Variants in WWOX observed in about 807,000 individuals in gnomAD.
The protein encoded by WWOX is WW domain-containing oxidoreductase.
A neutral mutation model predicts 46.2 loss-of-function variants in WWOX; 69 were observed. The ratio of observed to expected loss-of-function variants is 1.49; its 90% CI spans 1.23 to 1.82. The LOEUF (loss-of-function observed/expected upper bound fraction) is 1.82, where lower values mean the gene tolerates loss of function less well. Ranked by LOEUF, WWOX falls within the 40% of genes most tolerant of loss-of-function variation. The pLI is 0.00. For synonymous variants in WWOX, 359 were observed against 202.6 expected, an observed-to-expected ratio of 1.77 and a Z score of -6.56; for missense variants, 919 against 542.6, an observed-to-expected ratio of 1.69 and a Z score of -6.89.
intron 5 of WWOX, among the ~76,000 whole-genome samples, chr16:78,371,873 G>A (rs1241524112): frequency 1.3e-5 from 2 of 152,192 alleles, no homozygotes; most frequent in South Asian, 4.2e-4. Context: ...AAGGATAGCT[G>A]CTAGGACAAA....
intron 6 of WWOX, among the ~76,000 whole-genome samples, chr16:78,406,661 C>G (rs151252458): frequency 1.5e-3 from 205 of 137,530 alleles, no homozygotes; most frequent in African/African-American, 5.2e-3. Flanking sequence ...GAGTGTCACT[C>G]TGTTGCCGAG....
intron 8 of WWOX, among the ~76,000 whole-genome samples, chr16:79,211,163 T>C (rs558426652): frequency 7.2e-5 from 11 of 152,214 alleles, no homozygotes; most frequent in Admixed American, 2.0e-4. Context: ...TTCTACCTGA[T>C]GGACCACAAT....
At chr16:78,529,875 A>T (rs931930796) in intron 8 of WWOX, among the ~76,000 whole-genome samples, 2 of 152,222 alleles carry the variant, frequency 1.3e-5, no homozygotes, top group Non-Finnish European at 2.9e-5. Flanking sequence ...CTGAAGCAAA[A>T]ATAACAGGTA....
intron 8 of WWOX, among the ~76,000 whole-genome samples, chr16:78,497,198 G>C (rs1264740858): frequency 6.6e-6 from 1 of 151,358 alleles, no homozygotes; most frequent in Non-Finnish European, 1.5e-5. Context: ...ATGCACATGA[G>C]GAAGTTGACC....
chr16:79,101,278 C>T (rs984594802), intron 8 of WWOX: 2 of 152,170 alleles, frequency 1.3e-5, no homozygotes, highest in African/African-American at 4.8e-5. Flanking sequence ...TTGAAATGAG[C>T]TTGATTCTGT....
At chr16:78,563,272 T>C (rs949208081) in intron 8 of WWOX, among the ~76,000 whole-genome samples, 1 of 152,226 alleles carries the variant, frequency 6.6e-6, no homozygotes, top group Non-Finnish European at 1.5e-5. Context: ...TTCCTGTGTA[T>C]GGGGTAAGTG....
intron 8 of WWOX, among the ~76,000 whole-genome samples, chr16:79,125,825 A>G (rs2049741324): frequency 6.6e-6 from 1 of 152,232 alleles, no homozygotes; most frequent in Non-Finnish European, 1.5e-5. Context: ...TTGAGCAAAC[A>G]ATTAGCATTT....
intron 8 of WWOX, among the ~76,000 whole-genome samples, chr16:78,739,143 G>C (rs1258612286): frequency 1.3e-5 from 2 of 152,128 alleles, no homozygotes; most frequent in Admixed American, 6.5e-5. Flanking sequence ...ACCTCTGAGT[G>C]ACTTCTGAGT....
Position 78,884,492 on chromosome 16 carries a change from A to G in WWOX, c.1057-327116A>G, listed in dbSNP as rs114183082. Among the ~76,000 whole-genome samples, 1,094 of 152,272 alleles carry G rather than the reference A, an allele frequency of 7.2e-3. 13 individuals carry two copies. The highest frequency in any genetic ancestry group is 0.025 in the African/African-American group (1,050 of 41,568). ...AAATAAGTTGTAATAAATCCACACA[A>G]GAGGAGACTACTCACCAACAAGAAT... On this transcript the variant is annotated intron_variant, in intron 8 of 8. Transcript: ENST00000566780.
At chr16:78,625,645 G>C (rs2046294206) in intron 8 of WWOX, among the ~76,000 whole-genome samples, 1 of 151,546 alleles carries the variant, frequency 6.6e-6, no homozygotes, top group Non-Finnish European at 1.5e-5. Context: ...AGCAATTGTG[G>C]TTTTTGCCAT....
intron 8 of WWOX, among the ~76,000 whole-genome samples, chr16:78,955,922 A>G (rs542698630): frequency 6.6e-6 from 1 of 151,882 alleles, no homozygotes; most frequent in African/African-American, 2.4e-5. Context: ...TGCTGAGATT[A>G]CATGCATGAG....
At chr16:78,191,993 TGCGGTTATCCATTTATTTTCTAG>T (rs1326170797) in intron 5 of WWOX, among the ~76,000 whole-genome samples, 4 of 152,158 alleles carry the variant, frequency 2.6e-5, no homozygotes, top group African/African-American at 9.7e-5. Context: ...ATGACAAAGA[TGCGGTTATCCATTTATTTTCTAG>T]GCAAGTTAGT....
At chr16:79,052,172 A>G (rs1049758956) in intron 8 of WWOX, among the ~76,000 whole-genome samples, 3 of 151,758 alleles carry the variant, frequency 2.0e-5, no homozygotes, top group Non-Finnish European at 4.4e-5. Context: ...TATATCTCCC[A>G]ATGCTATCCC....
chr16:78,703,556 C>T (rs996417204), intron 8 of WWOX, among the ~76,000 whole-genome samples: 25 of 152,024 alleles, frequency 1.6e-4, no homozygotes, highest in African/African-American at 5.1e-4. Context: ...GAGTTTGAGG[C>T]TGTAGTGAGC....
intron 8 of WWOX, among the ~76,000 whole-genome samples, chr16:78,557,213 G>T (rs939771492): frequency 6.7e-6 from 1 of 148,976 alleles, no homozygotes; most frequent in Non-Finnish European, 1.5e-5. Context: ...CACAGGGAAA[G>T]ACCAATTATC....
intron 5 of WWOX, among the ~76,000 whole-genome samples, chr16:78,192,794 C>T (rs1039590587): frequency 1.3e-5 from 2 of 152,064 alleles, no homozygotes; most frequent in Admixed American, 6.5e-5. Flanking sequence ...AGGTCTAGTG[C>T]TGTTATAGTT....
intron 8 of WWOX, among the ~76,000 whole-genome samples, chr16:78,726,099 C>CTT (rs1227979052): frequency 2.9e-5 from 4 of 135,770 alleles, no homozygotes; most frequent in African/African-American, 1.1e-4. Context: ...CTCCCTCCCT[C>CTT]CCTCCCTCCC....
chr16:78,868,906 C>A (rs185937493), intron 8 of WWOX, among the ~76,000 whole-genome samples: 1 of 152,046 alleles, frequency 6.6e-6, no homozygotes, highest in Non-Finnish European at 1.5e-5. Context: ...TTGCACTTTT[C>A]CCCCCTTTTT....
In WWOX at chr16:78,162,699, A is replaced by G. The variant is rs189725322; in HGVS notation, c.410-1484A>G. 2.5e-3 allele frequency among the ~76,000 whole-genome samples: 377 copies of G among 152,052 alleles called. 4 individuals are homozygous for G. Among genetic ancestry groups the G allele is most frequent in the African/African-American group, 8.8e-3 (367 of 41,494 alleles). ...CTTTAAATATTGCTTTTCTTAGTCT[A>G]TTTCACTTGTTTTGGAACTCAGATT... On this transcript the variant is annotated intron_variant, in intron 4 of 8. Coordinates refer to ENST00000566780, the MANE Select transcript of WWOX (RefSeq NM_016373.4).
Sources: gnomAD v4.1 joint callset for allele counts (sites outside exome capture counted in the v4.1 genomes callset) on GRCh38, gnomAD v4.1.1 for gene constraint, MANE v1.5 for transcripts, NCBI Gene and HGNC (gene_info 2026-07-23, HGNC 2026-07-21) for gene names.